Variants in ITPRIPL1 observed in about 807,000 individuals in gnomAD.
ITPRIPL1 encodes the protein ITPRIP like 1.
Under a neutral mutation model 40.0 loss-of-function variants are expected in ITPRIPL1, and 28 were observed. The observed-to-expected ratio is 0.70, with a 90% CI of 0.52 to 0.96. ITPRIPL1 has a LOEUF of 0.96. Ranked by LOEUF, ITPRIPL1 falls within the 40% of genes least tolerant of loss-of-function variation. The pLI, the probability that ITPRIPL1 is intolerant of heterozygous loss-of-function variation, is 0.00. For synonymous variants in ITPRIPL1, 251 were observed against 275.7 expected (o/e 0.91, Z 0.89); for missense variants, 638 against 698.0 (o/e 0.91, Z 0.97).
rs1573050347 is a variant in ITPRIPL1 at position 96,328,307 on chromosome 2, ACCATT to A, written c.*9_*13del. On this transcript the variant is annotated 3_prime_UTR_variant, in exon 3 of 3. Transcript: ENST00000439118. ...CTGGCTGCAGCACCTTGATGTAAAG[ACCATT>A]AAAAAAAAAACAGAGGAAGGTATTT... 1 of 1,579,882 alleles carries A rather than the reference ACCATT, an allele frequency of 6.3e-7. No individual in the cohort carries two copies. The highest frequency in any genetic ancestry group is 8.6e-7 in the Non-Finnish European group (1 of 1,167,462).
At position 96,327,697 on chromosome 2, in the gene ITPRIPL1, TA is replaced by T; in HGVS notation, c.1067del (p.Tyr356PhefsTer25). ...STTSCKLRLD[Y>X]RSGRFLSIHL... ...CACCTCCTGCAAGCTCCGGCTGGACTATCGCTCAGGCCGCTTTCTCTCAATC... is the reference window on the plus strand; with the variant it reads ...CACCTCCTGCAAGCTCCGGCTGGACTTCGCTCAGGCCGCTTTCTCTCAATC... On this transcript the variant is annotated frameshift_variant, in exon 3 of 3. Transcript: ENST00000439118. LOFTEE classifies it high-confidence loss of function. 1 of 1,613,348 alleles carries T rather than the reference TA, an allele frequency of 6.2e-7. No individual in the cohort carries two copies. Among genetic ancestry groups the T allele is most frequent in the Non-Finnish European group, 8.5e-7 (1 of 1,179,712 alleles).
At position 96,325,722 on chromosome 2, in the gene ITPRIPL1, C is replaced by G; in HGVS notation, c.-93-25C>G. 5 of 1,051,080 alleles carry G rather than the reference C, an allele frequency of 4.8e-6. No individual in the cohort carries two copies. The Admixed American group carries it at 7.3e-5, about 15-fold the overall frequency. The allele number at this position is 1,051,080 out of a possible 1,614,324, so 65.1% of individuals were successfully genotyped here. On this transcript the variant is annotated intron_variant, in intron 1 of 2. Transcript: ENST00000439118. The stretch of plus-strand genomic sequence containing the variant: ...CGGGTTCCGATTTGAGCCAAAGCCC[C>G]CAGGTACCTTGTACATTTTAACAGG...
rs201297775 is a variant in ITPRIPL1 at position 96,326,859 on chromosome 2, G to A, written c.228G>A (p.Trp76Ter). ...AEQRQKAENF[W>*]TGDTSSDQLV... ...AGAGGCAGAAGGCAGAGAACTTCTG[G>A]ACAGGAGACACATCCAGTGACCAGT... Residue 76 changes from tryptophan (W) to a stop codon, truncating the protein, a stop_gained, in exon 3 of 3, where the codon TGG (tryptophan) becomes TGA (stop). Transcript: ENST00000439118. LOFTEE classifies it high-confidence loss of function. 43 of 1,614,210 alleles carry A rather than the reference G, an allele frequency of 2.7e-5. No individual in the cohort carries two copies. Among genetic ancestry groups the A allele is most frequent in the Non-Finnish European group, 3.3e-5 (39 of 1,180,032 alleles).
intron 2 of ITPRIPL1, 61 bp from the exon 3 acceptor site, chr2:96,326,581 G>A: frequency 6.2e-7 from 1 of 1,608,282 alleles, no homozygotes; most frequent in Non-Finnish European, 8.5e-7. Context: ...TGGGGAATGT[G>A]AGCTAGAGAG....
downstream of ITPRIPL1, chr2:96,328,704 C>T (rs1415698692): frequency 6.1e-6 from 1 of 163,170 alleles, no homozygotes; most frequent in Non-Finnish European, 1.3e-5. Flanking sequence ...CCAGTATGTT[C>T]CTTGTGAATT....
intron 2 of ITPRIPL1, 88 bp from the exon 3 acceptor site, chr2:96,326,554 T>C: frequency 1.3e-6 from 2 of 1,582,728 alleles, no homozygotes; most frequent in Admixed American, 3.6e-5. Flanking sequence ...TTTTCAGAAT[T>C]TGGGGTACCA....
chr2:96,326,985 T>C lies in ITPRIPL1; in HGVS notation c.354T>C (p.Phe118=), dbSNP rs145411973. 3.1e-6 allele frequency: 5 copies of C among 1,614,210 alleles called. No homozygotes were observed. Among genetic ancestry groups the C allele is most frequent in the South Asian group, 1.1e-5 (1 of 91,080 alleles). Residue 118 remains phenylalanine, a synonymous_variant, in exon 3 of 3, where the codon TTT becomes TTC. Coordinates refer to ENST00000439118, the MANE Select transcript of ITPRIPL1 (RefSeq NM_001008949.3). ...MLGNLWNTGL[F]CLFLVFELLR... ...GAAACCTGTGGAACACTGGCCTCTT[T>C]TGCCTTTTTCTCGTCTTTGAGCTCC...
chr2:96,328,409 G>T (rs2064138040), downstream of ITPRIPL1: 2 of 1,134,358 alleles, frequency 1.8e-6, no homozygotes, highest in African/African-American at 3.1e-5. Flanking sequence ...CACCTTGCCA[G>T]TGGGGGCTAT....
Position 96,327,982 on chromosome 2 carries a change from A to G in ITPRIPL1, c.1351A>G (p.Thr451Ala), listed in dbSNP as rs759767115. The stretch of plus-strand genomic sequence containing the variant: ...CATCCTCACTTCTTACCATTTTAAA[A>G]CAGCTCTCATGCACCTCTTGCTACG... ...RPILTSYHFK[T>A]ALMHLLLRLP... The change falls in exon 3 of 3, where the codon ACA becomes GCA. Residue 451 changes from threonine (T) to alanine (A), a missense_variant. By Grantham distance (58) the Thr-to-Ala change is moderately conservative. Transcript: ENST00000439118. The G allele has an allele frequency of 1.9e-6, 3 of 1,613,968 alleles. No individual in the cohort carries two copies. The highest frequency in any genetic ancestry group is 2.5e-6 in the Non-Finnish European group (3 of 1,179,990).
downstream of ITPRIPL1, chr2:96,329,219 TCTTAA>T (rs1324384371): frequency 2.4e-4 from 35 of 144,774 alleles, no homozygotes; most frequent in African/African-American, 8.1e-4. Flanking sequence ...CATTCCATTT[TCTTAA>T]CTTAGCCCTA....
chr2:96,326,222 A>C (rs1335422865), intron 2 of ITPRIPL1: 2 of 1,438,772 alleles, frequency 1.4e-6, no homozygotes, highest in African/African-American at 2.8e-5. Context: ...GGTGTCACCC[A>C]GGCAGGTTCA....
In ITPRIPL1 at chr2:96,328,265, C is replaced by T; in HGVS notation, c.1634C>T (p.Thr545Ile). ...CAAAACCTTCTGACCCAGGTGAAAA[C>T]TCTGCCTCATGCCCCACTGGCTGCA... ...EFQNLLTQVK[T>I]LPHAPLAAAP Residue 545 changes from threonine (T) to isoleucine (I), a missense_variant, in exon 3 of 3, where the codon ACT becomes ATT. Thr to Ile is a moderately conservative substitution (Grantham distance 89). Transcript: ENST00000439118. 2 of 1,613,924 alleles carry T rather than the reference C, an allele frequency of 1.2e-6. No individual in the cohort carries two copies. The highest frequency in any genetic ancestry group is 1.7e-6 in the Non-Finnish European group (2 of 1,179,908).
chr2:96,326,372 G>A, intron 2 of ITPRIPL1: 1 of 1,514,202 alleles, frequency 6.6e-7, no homozygotes, highest in South Asian at 1.2e-5. Flanking sequence ...ACAGTCCCAT[G>A]TACACTTTCT....
Position 96,326,810 on chromosome 2 carries a change from A to C in ITPRIPL1, c.179A>C (p.Glu60Ala). Residue 60 changes from glutamate (E) to alanine (A), a missense_variant, in exon 3 of 3, where the codon GAA becomes GCA. Glu to Ala is a moderately radical substitution (Grantham distance 107). Coordinates refer to ENST00000439118, the MANE Select transcript of ITPRIPL1 (RefSeq NM_001008949.3). ...ATGCGCCTGCTAGAGATGGAGTTTGAAGAGAGAAAGCGAGCCGCTGAGCAG... is the reference window on the plus strand; with the variant it reads ...ATGCGCCTGCTAGAGATGGAGTTTGCAGAGAGAAAGCGAGCCGCTGAGCAG... ...EEMRLLEMEF[E>A]ERKRAAEQRQ... The C allele has an allele frequency of 3.1e-6, 5 of 1,614,170 alleles. No homozygotes were observed. The highest frequency in any genetic ancestry group is 4.2e-6 in the Non-Finnish European group (5 of 1,180,012).
Position 96,325,722 on chromosome 2 carries a change from C to A in ITPRIPL1, c.-93-25C>A, listed in dbSNP as rs911741152. ...CGGGTTCCGATTTGAGCCAAAGCCC[C>A]CAGGTACCTTGTACATTTTAACAGG... is the stretch of plus-strand genomic sequence containing the variant. On this transcript the variant is annotated intron_variant, in intron 1 of 2. Transcript: ENST00000439118. The A allele has an allele frequency of 7.2e-5, 76 of 1,050,962 alleles. 1 individual carries two copies. Among genetic ancestry groups the A allele is most frequent in the Middle Eastern group, 2.0e-4 (1 of 5,036 alleles). 65.1% of individuals were successfully genotyped at this position (1,050,962 alleles called of 1,614,324 possible).
Position 96,327,675 on chromosome 2 carries a change from C to T in ITPRIPL1, c.1044C>T (p.Thr348=). 3.1e-6 allele frequency: 5 copies of T among 1,613,406 alleles called. No individual in the cohort carries two copies. Among genetic ancestry groups the T allele is most frequent in the Non-Finnish European group, 4.2e-6 (5 of 1,179,754 alleles). Reference sequence around the variant, plus strand: ...AACTCAGTCTCCCACCGTCTACCACCTCCTGCAAGCTCCGGCTGGACTATC... The same window carrying T: ...AACTCAGTCTCCCACCGTCTACCACTTCCTGCAAGCTCCGGCTGGACTATC... The part of the protein sequence containing the change: ...DFKLSLPPST[T]SCKLRLDYRS... Residue 348 remains threonine, a synonymous_variant, in exon 3 of 3, where the codon ACC becomes ACT. Coordinates refer to ENST00000439118, the MANE Select transcript of ITPRIPL1 (RefSeq NM_001008949.3).
chr2:96,327,516 C>T lies in ITPRIPL1; in HGVS notation c.885C>T (p.Val295=). The change falls in exon 3 of 3, where the codon GTC becomes GTT. Residue 295 remains valine (V), a synonymous_variant. Coordinates refer to ENST00000439118, the MANE Select transcript of ITPRIPL1 (RefSeq NM_001008949.3). ...ACCACCACAGGGACCCCTCGGCAGT[C>T]TTGGGGAAGTGTAGTAGCTCCATCA... is the stretch of plus-strand genomic sequence containing the variant. ...LVHHHRDPSA[V]LGKCSSSIKA... The T allele has an allele frequency of 6.2e-7, 1 of 1,614,078 alleles. No individual in the cohort carries two copies. The highest frequency in any genetic ancestry group is 8.5e-7 in the Non-Finnish European group (1 of 1,180,006).
At position 96,327,817 on chromosome 2, in the gene ITPRIPL1, G is replaced by A; in HGVS notation, c.1186G>A (p.Glu396Lys). ...GCAGCTCACCAGTGTGGACTGGCCT[G>A]AGTCCTTTGTGGCCTGTGAGCACCT... is the stretch of plus-strand genomic sequence containing the variant. ...QEQLTSVDWPESFVACEHLFL... is the reference protein window; with the variant it reads ...QEQLTSVDWPKSFVACEHLFL... Residue 396 changes from glutamate (E) to lysine (K), a missense_variant, in exon 3 of 3, where the codon GAG (glutamate) becomes AAG (lysine). Coordinates refer to ENST00000439118, the MANE Select transcript of ITPRIPL1 (RefSeq NM_001008949.3). 1.2e-6 allele frequency: 2 copies of A among 1,614,166 alleles called. No individual in the cohort carries two copies. Among genetic ancestry groups the A allele is most frequent in the Non-Finnish European group, 8.5e-7 (1 of 1,180,030 alleles).
chr2:96,325,595 A>C, intron 1 of ITPRIPL1, 30 bp downstream of exon 1: 1 of 589,958 alleles, frequency 1.7e-6, no homozygotes, highest in Non-Finnish European at 3.0e-6. Flanking sequence ...GTCCCGGGAG[A>C]CATCCCGAGG....
Sources: gnomAD v4.1 joint callset for allele counts on GRCh38, gnomAD v4.1.1 for gene constraint, MANE v1.5 for transcripts, NCBI Gene and HGNC (gene_info 2026-07-23, HGNC 2026-07-21) for gene names.